ZBTB44: variants seen among roughly 807,000 people sequenced by gnomAD.
ZBTB44 encodes the protein zinc finger and BTB domain containing 44.
A neutral mutation model predicts 54.0 loss-of-function variants in ZBTB44; 15 were observed. The observed-to-expected ratio is 0.28, with a 90% CI of 0.19 to 0.43. The LOEUF (loss-of-function observed/expected upper bound fraction) is 0.43, where lower values mean the gene tolerates loss of function less well. ZBTB44 is among the 20% of genes least tolerant of loss of function. ZBTB44 has a pLI of 1.00. For synonymous variants in ZBTB44, 230 were observed against 250.1 expected (o/e 0.92, Z 0.76); for missense variants, 487 against 707.1 (o/e 0.69, Z 3.53).
intron 2 of ZBTB44, among the ~76,000 whole-genome samples, chr11:130,258,718 C>T (rs1938623723): frequency 6.6e-6 from 1 of 152,164 alleles, no homozygotes; most frequent in African/African-American, 2.4e-5. Context: ...TTTCTGAGAA[C>T]ATAGGTGCTT....
intron 1 of ZBTB44, among the ~76,000 whole-genome samples, chr11:130,300,794 C>G (rs962396586): frequency 6.6e-6 from 1 of 151,878 alleles, no homozygotes; most frequent in African/African-American, 2.4e-5. Flanking sequence ...AGCAAGATTG[C>G]CATAGAAAAA....
chr11:130,268,491 G>A (rs886315123), intron 1 of ZBTB44, among the ~76,000 whole-genome samples: 1 of 152,112 alleles, frequency 6.6e-6, no homozygotes, highest in Non-Finnish European at 1.5e-5. Flanking sequence ...ATAGTGGCAT[G>A]CAGCTGTAAT....
At chr11:130,257,935 A>T (rs994712699) in intron 2 of ZBTB44, among the ~76,000 whole-genome samples, 2 of 152,136 alleles carry the variant, frequency 1.3e-5, no homozygotes, top group Non-Finnish European at 2.9e-5. Context: ...AATCTCACTT[A>T]TCTTTTCTAC....
Position 130,277,939 on chromosome 11 carries a change from C to T in ZBTB44, c.-56-16010G>A, listed in dbSNP as rs73040789. Among the ~76,000 whole-genome samples, 946 of 152,300 alleles carry T rather than the reference C, an allele frequency of 6.2e-3. 4 individuals are homozygous for T. Among genetic ancestry groups the T allele is most frequent in the Middle Eastern group, 0.02 (6 of 294 alleles). On this transcript the variant is annotated intron_variant, in intron 1 of 7. Coordinates refer to ENST00000357899, the MANE Select transcript of ZBTB44 (RefSeq NM_001301098.2). ...GCACATTTTGAATATGTTCTCCCAACGCCTTCTGGCCTCCACTGCTATAAG... is the reference window on the plus strand; with the variant it reads ...GCACATTTTGAATATGTTCTCCCAATGCCTTCTGGCCTCCACTGCTATAAG...
chr11:130,301,117 T>C (rs1007660135), intron 1 of ZBTB44, among the ~76,000 whole-genome samples: 3 of 151,694 alleles, frequency 2.0e-5, no homozygotes, highest in Non-Finnish European at 4.4e-5. Flanking sequence ...CCTAGATAGG[T>C]AGAAGGAAAT....
chr11:130,266,376 C>T lies in ZBTB44; in HGVS notation c.-56-4447G>A, dbSNP rs570340356. 1.4e-4 allele frequency among the ~76,000 whole-genome samples: 21 copies of T among 152,320 alleles called. No individual in the cohort carries two copies. The South Asian group carries it at 2.1e-3, about 15-fold the overall frequency. ...ATCGAGGAGCTCTGATGAGGATGTA[C>T]ATGACTGATGTTGTTTTCATGGCTG... On this transcript the variant is annotated intron_variant, in intron 1 of 7. Transcript: ENST00000357899.
At chr11:130,241,821 T>C (rs180779410) in intron 2 of ZBTB44, among the ~76,000 whole-genome samples, 94 of 152,348 alleles carry the variant, frequency 6.2e-4, no homozygotes, top group Admixed American at 1.6e-3. Context: ...ATGTTTTTTC[T>C]TTAACCCATT....
At chr11:130,241,564 CT>C (rs1197833298) in intron 2 of ZBTB44, among the ~76,000 whole-genome samples, 1 of 152,058 alleles carries the variant, frequency 6.6e-6, no homozygotes, top group African/African-American at 2.4e-5. Flanking sequence ...AGTTGTCTGC[CT>C]TTTTAGCATA....
intron 1 of ZBTB44, among the ~76,000 whole-genome samples, chr11:130,283,875 C>T (rs376237386): frequency 3.4e-5 from 5 of 147,436 alleles, no homozygotes; most frequent in Admixed American, 1.4e-4. Flanking sequence ...GAGGCTGAGG[C>T]AGGAGAATCT....
At chr11:130,311,688 C>T (rs951445094) in intron 1 of ZBTB44, among the ~76,000 whole-genome samples, 1 of 152,198 alleles carries the variant, frequency 6.6e-6, no homozygotes, top group African/African-American at 2.4e-5. Context: ...AGCAATGATA[C>T]TGCAGCAGCA....
chr11:130,305,058 G>C (rs1422694852), intron 1 of ZBTB44, among the ~76,000 whole-genome samples: 1 of 152,140 alleles, frequency 6.6e-6, no homozygotes, highest in Non-Finnish European at 1.5e-5. Flanking sequence ...CCAAGGAGGT[G>C]AAAGATCTCT....
chr11:130,246,288 C>CAT (rs532438820), intron 2 of ZBTB44, among the ~76,000 whole-genome samples: 60 of 151,944 alleles, frequency 3.9e-4, no homozygotes, highest in African/African-American at 9.4e-4. Context: ...TACACACACA[C>CAT]ATATATATAT....
chr11:130,314,844 G>T lies in ZBTB44; in HGVS notation c.-526C>A, dbSNP rs1382209484. 1 of 954 alleles carries T rather than the reference G, an allele frequency of 1.0e-3. No individual in the cohort carries two copies. The highest frequency in any genetic ancestry group is 9.6e-3 in the African/African-American group (1 of 104). The allele number at this position is 954 out of a possible 1,614,324, so 0.1% of individuals were successfully genotyped here. ...GGGAGGGAGCCGCCGCCGCGCGCGT[G>T]CGGCCGGCGCCGCCGCCGTTGCCGC... On this transcript the variant is annotated 5_prime_UTR_variant, in exon 1 of 8. Coordinates refer to ENST00000357899, the MANE Select transcript of ZBTB44 (RefSeq NM_001301098.2).
At chr11:130,276,583 C>T (rs941089567) in intron 1 of ZBTB44, among the ~76,000 whole-genome samples, 4 of 151,874 alleles carry the variant, frequency 2.6e-5, no homozygotes, top group Non-Finnish European at 4.4e-5. Flanking sequence ...TATAGGAGTG[C>T]ACCACCATGC....
intron 1 of ZBTB44, among the ~76,000 whole-genome samples, chr11:130,313,787 G>A (rs1592096139): frequency 2.0e-5 from 3 of 152,150 alleles, no homozygotes; most frequent in East Asian, 3.9e-4. Flanking sequence ...TCACATGGAC[G>A]CAATTTCCTT....
chr11:130,314,040 A>T (rs1469246356), intron 1 of ZBTB44, among the ~76,000 whole-genome samples: 1 of 151,038 alleles, frequency 6.6e-6, no homozygotes. Flanking sequence ...GAAAAAAAAC[A>T]GGTCTGAGCC....
rs1455744078 is a variant in ZBTB44, at chr11:130,314,803, A to AGGGGAG, written c.-491_-486dup. ...GGGGAAGGGGAAGGGGACTGAGGGG[A>AGGGGAG]GGGGAGGGGGAGGTTGGGAGGGAGC... is the stretch of plus-strand genomic sequence containing the variant. On this transcript the variant is annotated 5_prime_UTR_variant, in exon 1 of 8. Coordinates refer to ENST00000357899, the MANE Select transcript of ZBTB44 (RefSeq NM_001301098.2). The AGGGGAG allele has an allele frequency of 4.5e-4, 3 of 6,632 alleles. No homozygotes were observed. The highest frequency in any genetic ancestry group is 1.8e-3 in the African/African-American group (3 of 1,686). 0.4% of individuals were successfully genotyped at this position (6,632 alleles called of 1,614,324 possible).
At chr11:130,291,815 T>C (rs901617408) in intron 1 of ZBTB44, among the ~76,000 whole-genome samples, 10 of 152,352 alleles carry the variant, frequency 6.6e-5, no homozygotes, top group African/African-American at 1.2e-4. Context: ...GCTTTCCTGA[T>C]ATAATTCATG....
intron 1 of ZBTB44, among the ~76,000 whole-genome samples, chr11:130,269,290 ATAAT>A (rs34489551): frequency 2.1e-4 from 32 of 151,146 alleles, no homozygotes; most frequent in South Asian, 6.3e-4. Context: ...ACTCCACTAA[ATAAT>A]TAATTAATTA....
Sources: allele counts gnomAD v4.1 joint callset (sites outside exome capture counted in the v4.1 genomes callset), GRCh38; gene constraint gnomAD v4.1.1; transcripts MANE v1.5; gene names NCBI Gene and HGNC (gene_info 2026-07-23, HGNC 2026-07-21).